CNBD1: variants seen among roughly 807,000 people sequenced by gnomAD.
CNBD1 encodes the protein cyclic nucleotide binding domain containing 1.
A neutral mutation model predicts 54.4 loss-of-function variants in CNBD1; 71 were observed. The observed-to-expected ratio is 1.30, with a 90% CI of 1.08 to 1.59. The LOEUF is 1.59. Among genes scored for constraint, CNBD1 ranks in the 40% most tolerant of loss-of-function variants. The pLI is 0.00. For synonymous variants in CNBD1, 182 were observed against 170.7 expected, an observed-to-expected ratio of 1.07 and a Z score of -0.51; for missense variants, 659 against 518.0, an observed-to-expected ratio of 1.27 and a Z score of -2.64.
chr8:87,107,403 A>C (rs1811564584), intron 4 of CNBD1, among the ~76,000 whole-genome samples: 1 of 152,116 alleles, frequency 6.6e-6, no homozygotes, highest in Non-Finnish European at 1.5e-5. Context: ...GTCCATCCTG[A>C]ACTCTTTGCT....
intron 10 of CNBD1, among the ~76,000 whole-genome samples, chr8:87,379,710 T>G (rs1022390945): frequency 6.6e-6 from 1 of 151,986 alleles, no homozygotes; most frequent in Non-Finnish European, 1.5e-5. Context: ...CAGTAATTTT[T>G]TTTAAGAAAT....
intron 4 of CNBD1, among the ~76,000 whole-genome samples, chr8:87,037,916 A>G (rs781208518): frequency 6.6e-6 from 1 of 152,206 alleles, no homozygotes; most frequent in East Asian, 1.9e-4. Flanking sequence ...ATAGCTGGTT[A>G]CTGAGGAATT....
At chr8:87,097,152 G>A (rs1267223381) in intron 4 of CNBD1, among the ~76,000 whole-genome samples, 1 of 152,110 alleles carries the variant, frequency 6.6e-6, no homozygotes, top group Non-Finnish European at 1.5e-5. Context: ...ATTTCCTTGT[G>A]CAATGAGTCT....
rs145174815 is a variant in CNBD1, at chr8:87,045,298, T to C, written c.431+105544T>C. ...GAGGTCCCAGTAAAGGAGAGCTAACTAGGTCTAAAAAGAAGACTGGAATCT... is the reference window on the plus strand; with the variant it reads ...GAGGTCCCAGTAAAGGAGAGCTAACCAGGTCTAAAAAGAAGACTGGAATCT... On this transcript the variant is annotated intron_variant, in intron 4 of 10. Coordinates refer to ENST00000518476, the MANE Select transcript of CNBD1 (RefSeq NM_173538.3). Among the ~76,000 whole-genome samples the C allele has an allele frequency of 1.3e-3, 198 of 152,264 alleles. 1 individual carries two copies. Among genetic ancestry groups the C allele is most frequent in the African/African-American group, 3.8e-3 (159 of 41,548 alleles).
At chr8:87,134,652 G>A (rs1290447214) in intron 4 of CNBD1, among the ~76,000 whole-genome samples, 1 of 140,210 alleles carries the variant, frequency 7.1e-6, no homozygotes, top group South Asian at 2.2e-4. Context: ...ACCCAGGCTG[G>A]AGTGCAGTGG....
At chr8:86,968,324 G>T (rs1010117103) in intron 4 of CNBD1, among the ~76,000 whole-genome samples, 3 of 152,230 alleles carry the variant, frequency 2.0e-5, no homozygotes, top group African/African-American at 4.8e-5. Flanking sequence ...GGTTCTGGGG[G>T]TAAAATTCAC....
At chr8:87,168,744 T>G (rs1813024241) in intron 4 of CNBD1, among the ~76,000 whole-genome samples, 1 of 152,074 alleles carries the variant, frequency 6.6e-6, no homozygotes. Context: ...CCATCCATGT[T>G]GTTGAAAATG....
At chr8:86,961,619 G>C (rs1807931204) in intron 4 of CNBD1, among the ~76,000 whole-genome samples, 1 of 152,206 alleles carries the variant, frequency 6.6e-6, no homozygotes, top group Non-Finnish European at 1.5e-5. Flanking sequence ...ATGTCCCCCT[G>C]TGGGATCCAA....
At chr8:87,201,306 G>T (rs1813857173) in intron 4 of CNBD1, among the ~76,000 whole-genome samples, 1 of 152,132 alleles carries the variant, frequency 6.6e-6, no homozygotes. Context: ...AATGATTTCT[G>T]TTGAATAGCA....
chr8:86,874,411 A>T (rs894842791), intron 1 of CNBD1, among the ~76,000 whole-genome samples: 7 of 152,160 alleles, frequency 4.6e-5, no homozygotes, highest in Non-Finnish European at 1.0e-4. Context: ...CTTCCATCTT[A>T]TCAGGGGCCA....
At chr8:87,210,221 G>T (rs1394282945) in intron 5 of CNBD1, among the ~76,000 whole-genome samples, 1 of 152,180 alleles carries the variant, frequency 6.6e-6, no homozygotes, top group African/African-American at 2.4e-5. Context: ...AGATAAGGGA[G>T]CAAAGAAATG....
chr8:87,125,527 A>G (rs796482578), intron 4 of CNBD1, among the ~76,000 whole-genome samples: 2 of 151,992 alleles, frequency 1.3e-5, no homozygotes, highest in African/African-American at 4.8e-5. Flanking sequence ...TACATTTTTC[A>G]TTAATTTGAC....
chr8:87,230,155 T>C (rs925565775), intron 5 of CNBD1, among the ~76,000 whole-genome samples: 1 of 152,110 alleles, frequency 6.6e-6, no homozygotes, highest in Non-Finnish European at 1.5e-5. Flanking sequence ...TTTTAAACAA[T>C]GGGATTTCAT....
At chr8:87,173,664 A>ATT (rs3056350) in intron 4 of CNBD1, among the ~76,000 whole-genome samples, 35,369 of 147,140 alleles carry the variant, frequency 0.24, 4,228 homozygotes, top group South Asian at 0.29. Context: ...ATTATATGTT[A>ATT]TTTTTTTTTT....
chr8:87,103,882 A>G (rs558738732), intron 4 of CNBD1, among the ~76,000 whole-genome samples: 1 of 152,346 alleles, frequency 6.6e-6, no homozygotes, highest in African/African-American at 2.4e-5. Flanking sequence ...CAGTTTGAAG[A>G]AGGAGACCAG....
At chr8:87,111,375 T>G (rs1370025556) in intron 4 of CNBD1, among the ~76,000 whole-genome samples, 1 of 152,244 alleles carries the variant, frequency 6.6e-6, no homozygotes, top group Non-Finnish European at 1.5e-5. Flanking sequence ...CTGGTTATTA[T>G]CTGATCTCAT....
chr8:87,217,573 C>CT (rs35123267), intron 5 of CNBD1, among the ~76,000 whole-genome samples: 24,157 of 144,808 alleles, frequency 0.17, 2,073 homozygotes, highest in South Asian at 0.25. Context: ...TTTTATTAAG[C>CT]TTTTTTTTTT....
chr8:87,009,553 G>C (rs1041096717), intron 4 of CNBD1, among the ~76,000 whole-genome samples: 5 of 152,016 alleles, frequency 3.3e-5, no homozygotes, highest in Admixed American at 6.5e-5. Flanking sequence ...GCCCACCTCA[G>C]CCTCTCAAAG....
intron 4 of CNBD1, among the ~76,000 whole-genome samples, chr8:87,065,071 G>C (rs1810621209): frequency 6.6e-6 from 1 of 151,830 alleles, no homozygotes; most frequent in African/African-American, 2.4e-5. Context: ...GCTTCAATCT[G>C]TTTGGTTCTT....
Sources: allele counts gnomAD v4.1 joint callset (sites outside exome capture counted in the v4.1 genomes callset), GRCh38; gene constraint gnomAD v4.1.1; transcripts MANE v1.5; gene names NCBI Gene and HGNC (gene_info 2026-07-23, HGNC 2026-07-21).